ICA1: variants seen among roughly 807,000 people sequenced by gnomAD.
ICA1 encodes the protein 69 kDa islet cell autoantigen.
Under a neutral mutation model 71.0 loss-of-function variants are expected in ICA1, and 40 were observed. The ratio of observed to expected loss-of-function variants is 0.56; its 90% confidence interval spans 0.44 to 0.73. The LOEUF (loss-of-function observed/expected upper bound fraction) is 0.73, where lower values mean the gene tolerates loss of function less well. Among genes scored for constraint, ICA1 ranks in the 30% least tolerant of loss-of-function variants. The probability of loss-of-function intolerance (pLI) is 0.00; values close to 1 mark genes in which losing one functional copy is unlikely to be tolerated. For synonymous variants in ICA1, 207 were observed against 209.5 expected, an observed-to-expected ratio of 0.99 and a Z score of 0.10; for missense variants, 578 against 576.5, an observed-to-expected ratio of 1.00 and a Z score of -0.03.
chr7:8,244,921 G>A (rs1164655467), intron 1 of ICA1, among the ~76,000 whole-genome samples: 1 of 152,206 alleles, frequency 6.6e-6, no homozygotes, highest in Admixed American at 6.5e-5. Context: ...AGGTGCTGGA[G>A]AGGATGTGGA....
intron 12 of ICA1, among the ~76,000 whole-genome samples, chr7:8,136,059 A>G (rs908709996): frequency 2.0e-5 from 3 of 152,128 alleles, no homozygotes; most frequent in Admixed American, 6.5e-5. Context: ...TTTTTACTTA[A>G]AATAGTTTTA....
chr7:8,127,422 A>G (rs1048375587), intron 13 of ICA1, among the ~76,000 whole-genome samples: 1 of 152,188 alleles, frequency 6.6e-6, no homozygotes, highest in Non-Finnish European at 1.5e-5. Context: ...GAGGTGGATC[A>G]GGATAGAAAG....
intron 6 of ICA1, among the ~76,000 whole-genome samples, chr7:8,203,709 C>T (rs1416406898): frequency 1.3e-5 from 2 of 152,238 alleles, no homozygotes; most frequent in Non-Finnish European, 2.9e-5. Flanking sequence ...GAAATGTCTG[C>T]AGGGGGCCTG....
At position 8,132,139 on chromosome 7, in the gene ICA1, A is replaced by C. The variant is rs1791668950; in HGVS notation, c.1061-3997T>G. 6.6e-6 allele frequency among the ~76,000 whole-genome samples: 1 copy of C among 152,206 alleles called. No homozygotes were observed. Among genetic ancestry groups the C allele is most frequent in the Non-Finnish European group, 1.5e-5 (1 of 68,042 alleles). ...GCTGCAAAAATAAGAGCCAACAGAC[A>C]TGACGTACTCACATCCTCACCTGTC... is the stretch of plus-strand genomic sequence containing the variant. On this transcript the variant is annotated intron_variant, in intron 12 of 13. Coordinates refer to ENST00000402384, the MANE Select transcript of ICA1 (RefSeq NM_001136020.3). The surrounding 1 kb of genome is among the most constrained non-coding windows in gnomAD (Gnocchi z 4.5).
In ICA1 at chr7:8,222,049, A is replaced by C. The variant is rs952192197; in HGVS notation, c.257-651T>G. ...TATTGGTGGGTAAGTGATTTGGTGC[A>C]AGCTTTCTGCAGACTGATTTGACGG... is the stretch of plus-strand genomic sequence containing the variant. On this transcript the variant is annotated intron_variant, in intron 4 of 13. Coordinates refer to ENST00000402384, the MANE Select transcript of ICA1 (RefSeq NM_001136020.3). This position sits in a 1 kb window ranked among gnomAD's most constrained non-coding sequence, Gnocchi z 4.8. Among the ~76,000 whole-genome samples, 1 of 152,128 alleles carries C rather than the reference A, an allele frequency of 6.6e-6. No individual in the cohort carries two copies. Among genetic ancestry groups the C allele is most frequent in the Non-Finnish European group, 1.5e-5 (1 of 68,006 alleles).
rs1562519906 is a variant in ICA1 at position 8,123,479 on chromosome 7, C to T, written c.1330+4394G>A. 6.6e-6 allele frequency among the ~76,000 whole-genome samples: 1 copy of T among 152,200 alleles called. No individual in the cohort carries two copies. Among genetic ancestry groups the T allele is most frequent in the South Asian group, 2.1e-4 (1 of 4,828 alleles). ...CAGTCCTGGTGCCTGTCCCCGAGGA[C>T]TCGGTGCCCCAGTCTCTCACGGAGA... On this transcript the variant is annotated intron_variant, in intron 13 of 13. Transcript: ENST00000402384. The surrounding 1 kb of genome is among the most constrained non-coding windows in gnomAD (Gnocchi z 4.1).
chr7:8,204,834 C>T (rs925063448), intron 6 of ICA1, among the ~76,000 whole-genome samples: 35 of 152,258 alleles, frequency 2.3e-4, no homozygotes, highest in African/African-American at 8.4e-4. Context: ...CTATTGTCAT[C>T]TCCTTAATGT....
At chr7:8,235,790 A>G in intron 2 of ICA1, 120 bp downstream of exon 2, 1 of 995,064 alleles carries the variant, frequency 1.0e-6, no homozygotes, top group East Asian at 2.5e-5. Context: ...AGCATTGGTG[A>G]GGGCTAACAT....
chr7:8,218,549 C>A, intron 5 of ICA1, 46 bp from the exon 6 acceptor site: 1 of 1,503,418 alleles, frequency 6.7e-7, no homozygotes, highest in Non-Finnish European at 9.3e-7. Context: ...AGCCAGTGAG[C>A]AATTTAAATC....
intron 9 of ICA1, chr7:8,142,155 G>GAAGA: frequency 7.6e-6 from 4 of 524,490 alleles, no homozygotes; most frequent in Non-Finnish European, 1.2e-5. Flanking sequence ...ATATCAATCA[G>GAAGA]AATCCATTTC....
chr7:8,122,844 A>T (rs1290861704), intron 13 of ICA1, among the ~76,000 whole-genome samples: 1 of 152,256 alleles, frequency 6.6e-6, no homozygotes, highest in Non-Finnish European at 1.5e-5. Flanking sequence ...AAGATTCCTA[A>T]CTTCGGTTTG....
intron 10 of ICA1, 30 bp downstream of exon 10, chr7:8,141,735 A>G (rs753062257): frequency 1.6e-5 from 22 of 1,380,160 alleles, no homozygotes; most frequent in Non-Finnish European, 2.0e-5. Flanking sequence ...AATATTTCAG[A>G]AGCAATTCTA....
chr7:8,250,954 G>A (rs1160251471), intron 1 of ICA1, among the ~76,000 whole-genome samples: 1 of 136,640 alleles, frequency 7.3e-6, no homozygotes, highest in Non-Finnish European at 1.5e-5. Context: ...AGGCTGGAGT[G>A]CAATTGTGAC....
At chr7:8,254,818 C>T (rs1809498454) in intron 1 of ICA1, among the ~76,000 whole-genome samples, 1 of 152,096 alleles carries the variant, frequency 6.6e-6, no homozygotes, top group African/African-American at 2.4e-5. Context: ...GATGCCAATG[C>T]TGCAAATGGC....
In ICA1 at chr7:8,253,202, A is replaced by G. The variant is rs192838673; in HGVS notation, c.-80+8892T>C. ...CTGTACTAGTTACAAATACCCTTAA[A>G]CAGTTATTTCTGCTCAGAATCTCTG... On this transcript the variant is annotated intron_variant, in intron 1 of 13. Transcript: ENST00000402384. Among the ~76,000 whole-genome samples, 47 of 152,286 alleles carry G rather than the reference A, an allele frequency of 3.1e-4. 1 individual carries two copies. In the South Asian group the frequency reaches 6.6e-3, roughly 21 times the overall value.
rs1801719202 is a variant in ICA1, at chr7:8,235,944, T to C, written c.-18A>G. The C allele has an allele frequency of 1.2e-6, 2 of 1,612,530 alleles. No individual in the cohort carries two copies. The highest frequency in any genetic ancestry group is 1.7e-6 in the Non-Finnish European group (2 of 1,179,344). On this transcript the variant is annotated 5_prime_UTR_variant, in exon 2 of 14. Coordinates refer to ENST00000402384, the MANE Select transcript of ICA1 (RefSeq NM_001136020.3). ...CCTGACATGTTTTCTTCTTCTTCTA[T>C]TGTTGATGATTTGGGGAGAAGGGGC...
chr7:8,248,498 G>A (rs1352523756), intron 1 of ICA1, among the ~76,000 whole-genome samples: 2 of 152,142 alleles, frequency 1.3e-5, no homozygotes. Flanking sequence ...GGCAAGGAGG[G>A]TGGATTGTTT....
intron 5 of ICA1, 129 bp from the exon 6 acceptor site, chr7:8,218,632 T>A: frequency 1.4e-6 from 1 of 725,110 alleles, no homozygotes; most frequent in East Asian, 2.7e-5. Context: ...TCCATCAATA[T>A]TTGCTGAATA....
chr7:8,131,171 G>A (rs1025376941), intron 12 of ICA1, among the ~76,000 whole-genome samples: 4 of 152,174 alleles, frequency 2.6e-5, no homozygotes, highest in Non-Finnish European at 4.4e-5. Context: ...CAGTGATAAT[G>A]AAGTCAACAC....
Sources: allele counts gnomAD v4.1 joint callset (sites outside exome capture counted in the v4.1 genomes callset), GRCh38; gene constraint gnomAD v4.1.1; non-coding constraint Gnocchi (gnomAD v3.1); transcripts MANE v1.5; gene names NCBI Gene and HGNC (gene_info 2026-07-23, HGNC 2026-07-21).